The following VGLL3 variants were observed in gnomAD, a reference collection of about 807,000 sequenced individuals.
VGLL3 encodes the protein transcription cofactor vestigial-like protein 3.
Under a neutral mutation model 29.2 loss-of-function variants are expected in VGLL3, and 18 were observed. That is an observed-to-expected ratio of 0.62 (90% CI 0.43 to 0.91). The LOEUF (loss-of-function observed/expected upper bound fraction) is 0.91. VGLL3 is among the 40% of genes least tolerant of loss of function. The pLI, the probability that VGLL3 is intolerant of heterozygous loss-of-function variation, is 0.00. For missense variants in VGLL3, 440 were observed against 413.2 expected (o/e 1.06, Z -0.56); for synonymous variants, 180 against 151.8 (o/e 1.19, Z -1.36).
At chr3:86,966,918 T>C (rs1310859493) in intron 3 of VGLL3, among the ~76,000 whole-genome samples, 4 of 149,774 alleles carry the variant, frequency 2.7e-5, no homozygotes, top group African/African-American at 9.8e-5. Context: ...TCCAACTGGG[T>C]CCTCTCAAGA....
chr3:86,991,054 C>G lies in VGLL3; in HGVS notation c.-311G>C. 1.7e-6 allele frequency: 1 copy of G among 585,918 alleles called. No homozygotes were observed. Among genetic ancestry groups the G allele is most frequent in the South Asian group, 7.4e-5 (1 of 13,432 alleles). 36.3% of individuals were successfully genotyped at this position (585,918 alleles called of 1,614,324 possible). On this transcript the variant is annotated 5_prime_UTR_variant, in exon 1 of 4. Transcript: ENST00000398399. ...CTGGGGCATTACCGCGTCCGGCTCC[C>G]GCGAGGGCTGCGGCGCCCACGGCAG...
At chr3:86,978,331 A>T (rs959996706) in intron 2 of VGLL3, among the ~76,000 whole-genome samples, 195 bp downstream of exon 2, 1 of 152,222 alleles carries the variant, frequency 6.6e-6, no homozygotes, top group African/African-American at 2.4e-5. Flanking sequence ...GTGTGACTGC[A>T]TCCTTTCCAA....
intron 3 of VGLL3, among the ~76,000 whole-genome samples, chr3:86,956,583 G>C (rs1185774209): frequency 1.3e-5 from 2 of 152,020 alleles, no homozygotes; most frequent in Non-Finnish European, 2.9e-5. Flanking sequence ...TCAGGAGATC[G>C]AGATCATCCT....
rs1216012965 is a variant in VGLL3, at chr3:86,942,446, G to GT, written c.*4577dup. 2.3e-4 allele frequency: 20 copies of GT among 87,834 alleles called. No individual in the cohort carries two copies. Among genetic ancestry groups the GT allele is most frequent in the Admixed American group, 1.8e-3 (19 of 10,836 alleles). The allele number at this position is 87,834 out of a possible 1,614,324, so 5.4% of individuals were successfully genotyped here. Reference sequence around the variant, plus strand: ...CTGCTGACTGAGATCGTAAATGGTTGTGTTTTTCCCCCTTTTAATGCGGAA... The same window carrying GT: ...CTGCTGACTGAGATCGTAAATGGTTGTTGTTTTTCCCCCTTTTAATGCGGAA... On this transcript the variant is annotated 3_prime_UTR_variant, in exon 4 of 4. Transcript: ENST00000398399.
chr3:86,980,897 T>A (rs1261977097), intron 1 of VGLL3, among the ~76,000 whole-genome samples: 1 of 151,872 alleles, frequency 6.6e-6, no homozygotes, highest in African/African-American at 2.4e-5. Flanking sequence ...TGTCCACAAG[T>A]GTTCATTCTT....
In VGLL3 at chr3:86,978,507, T is replaced by C. The variant is rs767012909; in HGVS notation, c.403+19A>G. 2 of 1,611,398 alleles carry C rather than the reference T, an allele frequency of 1.2e-6. No individual in the cohort carries two copies. The highest frequency in any genetic ancestry group is 2.2e-5 in the East Asian group (1 of 44,846). On this transcript the variant is annotated intron_variant, in intron 2 of 3. Transcript: ENST00000398399. Reference sequence around the variant, plus strand: ...AACAAAGACAGTGCCCTGGAGAACATCTGCTTTTGAATTCTTACCTCGCCA... The same window carrying C: ...AACAAAGACAGTGCCCTGGAGAACACCTGCTTTTGAATTCTTACCTCGCCA...
At chr3:86,988,018 A>G (rs1705488182) in intron 1 of VGLL3, among the ~76,000 whole-genome samples, 2 of 152,198 alleles carry the variant, frequency 1.3e-5, no homozygotes, top group South Asian at 4.1e-4. Flanking sequence ...AAGAGGAAAA[A>G]TATACCTGTG....
At chr3:86,967,269 C>A (rs917188763) in intron 3 of VGLL3, among the ~76,000 whole-genome samples, 1 of 152,106 alleles carries the variant, frequency 6.6e-6, no homozygotes, top group Non-Finnish European at 1.5e-5. Context: ...TAAGATCTGG[C>A]CTCAGGCATC....
chr3:86,963,008 T>C (rs1344342258), intron 3 of VGLL3: 1 of 242,172 alleles, frequency 4.1e-6, no homozygotes. Flanking sequence ...GGCAGGACAA[T>C]TGGTTGAACT....
chr3:86,989,970 C>G (rs1177999354), intron 1 of VGLL3, among the ~76,000 whole-genome samples: 2 of 152,128 alleles, frequency 1.3e-5, no homozygotes, highest in Non-Finnish European at 2.9e-5. Flanking sequence ...AACCTTTTGG[C>G]CGAGGGACCC....
rs1366029136 is a variant in VGLL3, at chr3:86,946,475, T to C, written c.*549A>G. 1 of 152,230 alleles carries C rather than the reference T, an allele frequency of 6.6e-6. No homozygotes were observed. Among genetic ancestry groups the C allele is most frequent in the Non-Finnish European group, 1.5e-5 (1 of 68,108 alleles). The allele number at this position is 152,230 out of a possible 1,614,324, so 9.4% of individuals were successfully genotyped here. A position where few individuals can be genotyped will look rare whatever the true frequency, so the allele number is the denominator to read the frequency against. ...GCACAGACAGAGCATATAATAGACA[T>C]CTTAGAGATAAGCATTTTAAACATT... is the stretch of plus-strand genomic sequence containing the variant. On this transcript the variant is annotated 3_prime_UTR_variant, in exon 4 of 4. Transcript: ENST00000398399.
At position 86,940,482 on chromosome 3, in the gene VGLL3, T is replaced by C. The variant is rs2106941107; in HGVS notation, c.*6542A>G. ...CTGTAACATATAGACTTCTTGGCCC[T>C]AGAAATTAACTTCTTAATTAATAAC... On this transcript the variant is annotated 3_prime_UTR_variant, in exon 4 of 4. Coordinates refer to ENST00000398399, the MANE Select transcript of VGLL3 (RefSeq NM_016206.4). 1 of 152,724 alleles carries C rather than the reference T, an allele frequency of 6.5e-6. No individual in the cohort carries two copies. The highest frequency in any genetic ancestry group is 2.1e-4 in the South Asian group (1 of 4,826). 9.5% of individuals were successfully genotyped at this position (152,724 alleles called of 1,614,324 possible). A position where few individuals can be genotyped will look rare whatever the true frequency, so the allele number is the denominator to read the frequency against.
At chr3:86,966,642 C>A (rs1704965164) in intron 3 of VGLL3, among the ~76,000 whole-genome samples, 1 of 151,424 alleles carries the variant, frequency 6.6e-6, no homozygotes, top group Non-Finnish European at 1.5e-5. Flanking sequence ...TTAGTTCAAA[C>A]TTCAGCTTGG....
intron 3 of VGLL3, among the ~76,000 whole-genome samples, chr3:86,947,670 A>G (rs62257346): frequency 0.013 from 1,965 of 152,308 alleles, 27 homozygotes; most frequent in East Asian, 0.036. Flanking sequence ...TACTTATTTT[A>G]TCTTATCTTC....
intron 3 of VGLL3, among the ~76,000 whole-genome samples, chr3:86,949,814 G>C (rs756901680): frequency 7.5e-6 from 1 of 133,822 alleles, no homozygotes; most frequent in Admixed American, 8.1e-5. Context: ...GTGACAGAGC[G>C]AGACTCCATC....
rs1559732086 is a variant in VGLL3 at position 86,978,535 on chromosome 3, G to A, written c.394C>T (p.Leu132=). The change falls in exon 2 of 4, where the codon CTA becomes TTA. Residue 132 remains leucine, a synonymous_variant. Coordinates refer to ENST00000398399, the MANE Select transcript of VGLL3 (RefSeq NM_016206.4). ...GCTTTTGAATTCTTACCTCGCCATA[G>A]GGGGGTTAGCCCCATCTTGCTTTTT... ...ISKSKMGLTP[L]WRDSSALSSQ... 6.2e-7 allele frequency: 1 copy of A among 1,613,924 alleles called. No individual in the cohort carries two copies. The highest frequency in any genetic ancestry group is 2.2e-5 in the East Asian group (1 of 44,880).
At chr3:86,949,306 C>T (rs535970780) in intron 3 of VGLL3, among the ~76,000 whole-genome samples, 61 of 152,234 alleles carry the variant, frequency 4.0e-4, no homozygotes, top group Middle Eastern at 6.8e-3. Flanking sequence ...GTTTCCATGT[C>T]TCTGCATTTC....
At chr3:86,949,698 C>A (rs576887508) in intron 3 of VGLL3, among the ~76,000 whole-genome samples, 1 of 151,430 alleles carries the variant, frequency 6.6e-6, no homozygotes, top group Non-Finnish European at 1.5e-5. Context: ...TGATGGCGGG[C>A]GCCCTGTAGT....
At position 86,978,570 on chromosome 3, in the gene VGLL3, G is replaced by C; in HGVS notation, c.359C>G (p.Ser120Cys). The change falls in exon 2 of 4, where the codon TCT becomes TGT. Residue 120 changes from serine (S) to cysteine (C), a missense_variant. Coordinates refer to ENST00000398399, the MANE Select transcript of VGLL3 (RefSeq NM_016206.4). Reference protein sequence around the residue: ...LGQAITLHPESAISKSKMGLT... With the variant: ...LGQAITLHPECAISKSKMGLT... The stretch of plus-strand genomic sequence containing the variant: ...CCCCATCTTGCTTTTTGAAATGGCA[G>C]ATTCTGGATGGAGGGTGATGGCTTG... The C allele has an allele frequency of 6.2e-7, 1 of 1,614,160 alleles. No individual in the cohort carries two copies. Among genetic ancestry groups the C allele is most frequent in the Non-Finnish European group, 8.5e-7 (1 of 1,180,010 alleles).
Sources: gnomAD v4.1 joint callset for allele counts (sites outside exome capture counted in the v4.1 genomes callset) on GRCh38, gnomAD v4.1.1 for gene constraint, MANE v1.5 for transcripts, NCBI Gene and HGNC (gene_info 2026-07-23, HGNC 2026-07-21) for gene names.